Variants in UBR3 observed in about 807,000 individuals in gnomAD.
UBR3 encodes ubiquitin protein ligase E3 component n-recognin 3.
In UBR3, 85 loss-of-function variants were observed where a neutral mutation model predicts 243.2. The observed-to-expected ratio is 0.35, with a 90% CI of 0.29 to 0.42. The LOEUF (loss-of-function observed/expected upper bound fraction) is 0.42. Ranked by LOEUF, UBR3 falls within the 10% of genes least tolerant of loss-of-function variation. UBR3 has a pLI of 1.00. For missense variants in UBR3, 1,686 were observed against 2,300.8 expected (o/e 0.73, Z 5.47); for synonymous variants, 748 against 799.8 (o/e 0.94, Z 1.09).
intron 1 of UBR3, 124 bp downstream of exon 1, chr2:169,828,176 C>T: frequency 8.5e-7 from 1 of 1,175,478 alleles, no homozygotes; most frequent in African/African-American, 1.6e-5. Flanking sequence ...AGGGTGCAGC[C>T]ACAGGGGGAT....
At chr2:169,980,781 C>T (rs993152760) in intron 24 of UBR3, among the ~76,000 whole-genome samples, 6 of 131,956 alleles carry the variant, frequency 4.5e-5, no homozygotes, top group East Asian at 5.3e-4. Context: ...CCCCTCCCCC[C>T]GATCTTGGTT....
chr2:169,998,212 T>G lies in UBR3; in HGVS notation c.3919-3092T>G, dbSNP rs537272098. Among the ~76,000 whole-genome samples, 16 of 152,308 alleles carry G rather than the reference T, an allele frequency of 1.1e-4. No individual in the cohort carries two copies. The South Asian group carries it at 3.3e-3, about 32-fold the overall frequency. The stretch of plus-strand genomic sequence containing the variant: ...ACCAAATAGAAAACTTTTTAAAAAT[T>G]CAATCAAAATAAACCTAGACCTAAG... On this transcript the variant is annotated intron_variant, in intron 26 of 38. Coordinates refer to ENST00000272793, the MANE Select transcript of UBR3 (RefSeq NM_172070.4).
chr2:169,925,354 A>G (rs1275322327), intron 13 of UBR3, among the ~76,000 whole-genome samples: 1 of 152,218 alleles, frequency 6.6e-6, no homozygotes, highest in East Asian at 1.9e-4. Flanking sequence ...GAAAGATGTC[A>G]GTGAAAATCA....
At chr2:170,080,709 G>A in intron 38 of UBR3, 25 bp downstream of exon 38, 1 of 1,599,696 alleles carries the variant, frequency 6.3e-7, no homozygotes, top group African/African-American at 1.3e-5. Flanking sequence ...GATATATCCA[G>A]GTGTTTTATT....
chr2:169,919,728 A>C (rs889651021), intron 11 of UBR3, among the ~76,000 whole-genome samples: 2 of 152,242 alleles, frequency 1.3e-5, no homozygotes, highest in African/African-American at 4.8e-5. Context: ...ATCACTGGCC[A>C]TCAGAGAAAT....
chr2:170,045,287 A>T (rs1371063233), intron 32 of UBR3, among the ~76,000 whole-genome samples: 2 of 152,174 alleles, frequency 1.3e-5, no homozygotes, highest in African/African-American at 4.8e-5. Flanking sequence ...AACCACCCCC[A>T]TGATTCAGTT....
intron 24 of UBR3, among the ~76,000 whole-genome samples, chr2:169,965,261 AG>A (rs2087753829): frequency 1.3e-5 from 2 of 152,200 alleles, no homozygotes; most frequent in Admixed American, 1.3e-4. Flanking sequence ...AATACTTGGC[AG>A]CAGTACTGAT....
chr2:169,927,538 AG>A, intron 17 of UBR3, 133 bp downstream of exon 17: 1 of 695,880 alleles, frequency 1.4e-6, no homozygotes, highest in Non-Finnish European at 2.3e-6. Flanking sequence ...GAAGAACACC[AG>A]TTGTGTGCTC....
intron 6 of UBR3, among the ~76,000 whole-genome samples, chr2:169,892,036 G>A (rs2084396293): frequency 6.6e-6 from 1 of 152,176 alleles, no homozygotes; most frequent in African/African-American, 2.4e-5. Flanking sequence ...TACTTCTGCT[G>A]TTGATTAAGT....
At chr2:170,077,448 ATG>A (rs1444132254) in intron 36 of UBR3, 4 of 1,480,284 alleles carry the variant, frequency 2.7e-6, no homozygotes, top group Non-Finnish European at 3.6e-6. Context: ...TCAGTTCAGG[ATG>A]TGTTACATGG....
At position 169,827,604 on chromosome 2, in the gene UBR3, G is replaced by T; in HGVS notation, c.97G>T (p.Ala33Ser). ...GGCCCTAGACAAGGCGGCCACCGCC[G>T]CGCACCTCAAGGCGGCCCTCAGCCG... The part of the protein sequence containing the change: ...GLALDKAATA[A>S]HLKAALSRPD... Residue 33 changes from alanine to serine, a missense_variant, in exon 1 of 39, where the codon GCG (alanine) becomes TCG (serine). Ala to Ser is a moderately conservative substitution (Grantham distance 99, BLOSUM62 1). This residue lies in a region of UBR3 where 79 missense variants were observed against 73.2 expected (regional missense o/e 1.08). Transcript: ENST00000272793. 1.6e-6 allele frequency: 2 copies of T among 1,260,702 alleles called. No homozygotes were observed. Among genetic ancestry groups the T allele is most frequent in the East Asian group, 6.5e-5 (2 of 30,948 alleles). 78.1% of individuals were successfully genotyped at this position (1,260,702 alleles called of 1,614,324 possible). A position where few individuals can be genotyped will look rare whatever the true frequency, so the allele number is the denominator to read the frequency against.
intron 30 of UBR3, among the ~76,000 whole-genome samples, chr2:170,020,617 T>C (rs556845684): frequency 6.6e-6 from 1 of 152,298 alleles, no homozygotes; most frequent in East Asian, 1.9e-4. Context: ...TTCCCCCCTG[T>C]TAATTAACAT....
chr2:170,070,124 T>C (rs1313936454), intron 35 of UBR3, among the ~76,000 whole-genome samples: 1 of 152,180 alleles, frequency 6.6e-6, no homozygotes, highest in Admixed American at 6.6e-5. Flanking sequence ...ATATCTTTGC[T>C]ATTGTAACTA....
At chr2:169,932,076 ATT>A (rs140968517) in intron 18 of UBR3, among the ~76,000 whole-genome samples, 153 of 145,946 alleles carry the variant, frequency 1.0e-3, no homozygotes, top group African/African-American at 2.8e-3. Flanking sequence ...TAGCTCATTA[ATT>A]TTTTTTTTTT....
At chr2:170,033,587 C>G (rs1464869463) in intron 31 of UBR3, among the ~76,000 whole-genome samples, 6 of 117,942 alleles carry the variant, frequency 5.1e-5, no homozygotes, top group Admixed American at 3.7e-4. Flanking sequence ...ACCCACCCCC[C>G]CCCCCCCCAA....
chr2:169,941,101 A>G (rs1483297140), intron 19 of UBR3, among the ~76,000 whole-genome samples: 1 of 152,182 alleles, frequency 6.6e-6, no homozygotes, highest in Non-Finnish European at 1.5e-5. Flanking sequence ...TGTTGTTAGA[A>G]GGTCATTAGT....
At chr2:169,878,479 A>T (rs907195219) in intron 4 of UBR3, 46 bp from the exon 5 acceptor site, 2 of 1,508,648 alleles carry the variant, frequency 1.3e-6, no homozygotes, top group Admixed American at 4.1e-5. Context: ...AAATAAAGCA[A>T]TATGTAGCAA....
chr2:169,979,767 G>A (rs557941899), intron 24 of UBR3, among the ~76,000 whole-genome samples: 65 of 152,284 alleles, frequency 4.3e-4, no homozygotes, highest in African/African-American at 1.6e-3. Flanking sequence ...ATGAAACATG[G>A]GAGTTTTTTT....
chr2:170,011,654 A>G (rs1014518480), intron 29 of UBR3, among the ~76,000 whole-genome samples: 2 of 143,842 alleles, frequency 1.4e-5, no homozygotes, highest in African/African-American at 5.1e-5. Flanking sequence ...GTAAGACAGT[A>G]CATGTCTTTT....
Sources: allele counts gnomAD v4.1 joint callset (sites outside exome capture counted in the v4.1 genomes callset), GRCh38; gene constraint gnomAD v4.1.1; regional missense constraint gnomAD v4.1.1; transcripts MANE v1.5; gene names NCBI Gene and HGNC (gene_info 2026-07-23, HGNC 2026-07-21).